Variants in KCNMA1 observed in about 807,000 individuals in gnomAD.
KCNMA1 encodes potassium calcium-activated channel subfamily M alpha 1, also known as Calcium-activated potassium channel subunit alpha-1.
A neutral mutation model predicts 140.0 loss-of-function variants in KCNMA1; 29 were observed. That is an observed-to-expected ratio of 0.21 (90% CI 0.15 to 0.28). KCNMA1 has a LOEUF of 0.28. KCNMA1 is among the 10% of genes least tolerant of loss of function. The pLI is 1.00. For synonymous variants in KCNMA1, 612 were observed against 611.9 expected (o/e 1.00, Z 0.00); for missense variants, 880 against 1,602.2 (o/e 0.55, Z 7.70).
chr10:77,491,378 A>G (rs944919023), intron 1 of KCNMA1, among the ~76,000 whole-genome samples: 2 of 152,078 alleles, frequency 1.3e-5, no homozygotes, highest in African/African-American at 4.8e-5. Context: ...GGGCTGCCAC[A>G]TTGTTCCATG....
intron 6 of KCNMA1, among the ~76,000 whole-genome samples, chr10:77,116,704 C>G (rs1455874560): frequency 6.6e-6 from 1 of 152,058 alleles, no homozygotes; most frequent in African/African-American, 2.4e-5. Flanking sequence ...TAGATCCCTT[C>G]TTCTTTCTCT....
intron 3 of KCNMA1, among the ~76,000 whole-genome samples, chr10:77,235,946 G>C (rs1369297755): frequency 2.0e-5 from 3 of 152,140 alleles, no homozygotes; most frequent in Non-Finnish European, 2.9e-5. Flanking sequence ...CAGGGGTCTT[G>C]GGCTGGCCAG....
At chr10:76,920,034 AT>A (rs2054941690) in intron 23 of KCNMA1, among the ~76,000 whole-genome samples, 1 of 110,598 alleles carries the variant, frequency 9.0e-6, no homozygotes, top group African/African-American at 4.1e-5. Flanking sequence ...ATATATATAT[AT>A]ATATATATAT....
chr10:77,348,981 G>A (rs1440552827), intron 2 of KCNMA1, among the ~76,000 whole-genome samples: 3 of 152,176 alleles, frequency 2.0e-5, no homozygotes, highest in Non-Finnish European at 2.9e-5. Context: ...AACCAGGAAA[G>A]CTTTTTGTAA....
At chr10:76,900,961 T>C (rs1245934517) in intron 25 of KCNMA1, among the ~76,000 whole-genome samples, 1 of 151,448 alleles carries the variant, frequency 6.6e-6, no homozygotes. Context: ...CAAAGATTTA[T>C]GTACAATAAT....
At chr10:77,128,387 T>C (rs962265446) in intron 5 of KCNMA1, among the ~76,000 whole-genome samples, 3 of 113,374 alleles carry the variant, frequency 2.6e-5, no homozygotes, top group East Asian at 2.5e-4. Context: ...CCCCATCATA[T>C]AGATAATTTT....
intron 15 of KCNMA1, among the ~76,000 whole-genome samples, chr10:77,029,447 AG>A (rs1184849140): frequency 6.6e-6 from 1 of 152,194 alleles, no homozygotes; most frequent in African/African-American, 2.4e-5. Context: ...GATGAAACCA[AG>A]GATCAGAAAG....
chr10:77,084,031 T>G (rs765376463), intron 12 of KCNMA1, among the ~76,000 whole-genome samples: 44 of 152,300 alleles, frequency 2.9e-4, no homozygotes, highest in Non-Finnish European at 4.9e-4. Context: ...TAAATTCCCC[T>G]TTGGGGTGAT....
At chr10:77,091,636 G>A (rs552537605) in intron 9 of KCNMA1, 1 of 152,372 alleles carries the variant, frequency 6.6e-6, no homozygotes, top group African/African-American at 2.4e-5. Context: ...TGAGTCTCTA[G>A]CTGCGCTCTG....
intron 17 of KCNMA1, among the ~76,000 whole-genome samples, chr10:77,017,091 C>T (rs2092191614): frequency 6.6e-6 from 1 of 152,054 alleles, no homozygotes; most frequent in African/African-American, 2.4e-5. Flanking sequence ...TTTGTGAATA[C>T]CATAAAGCAC....
chr10:77,488,630 CT>C (rs2098491080), intron 1 of KCNMA1, among the ~76,000 whole-genome samples: 1 of 152,132 alleles, frequency 6.6e-6, no homozygotes, highest in Admixed American at 6.5e-5. Context: ...TCATTTCCCC[CT>C]GTATTAGGAA....
intron 1 of KCNMA1, among the ~76,000 whole-genome samples, chr10:77,533,959 T>C (rs992353785): frequency 3.9e-5 from 6 of 152,140 alleles, no homozygotes; most frequent in Non-Finnish European, 7.4e-5. Flanking sequence ...TTCCCTCTCT[T>C]GCTCCATCTA....
chr10:77,192,487 T>C (rs1268744348), intron 3 of KCNMA1, among the ~76,000 whole-genome samples: 1 of 152,142 alleles, frequency 6.6e-6, no homozygotes, highest in Non-Finnish European at 1.5e-5. Flanking sequence ...AGTTTTAGAA[T>C]TCAATGGAAG....
At chr10:76,924,838 G>T (rs1054426309) in intron 23 of KCNMA1, among the ~76,000 whole-genome samples, 1 of 152,148 alleles carries the variant, frequency 6.6e-6, no homozygotes, top group Non-Finnish European at 1.5e-5. Flanking sequence ...GCACACATGG[G>T]CAGTGAAGAG....
chr10:77,033,516 A>G (rs528634446), intron 15 of KCNMA1, among the ~76,000 whole-genome samples: 2 of 152,240 alleles, frequency 1.3e-5, no homozygotes, highest in East Asian at 3.9e-4. Context: ...TAGAATTTAT[A>G]AATACATTAC....
chr10:77,394,581 G>A (rs962766539), intron 2 of KCNMA1, among the ~76,000 whole-genome samples: 3 of 152,212 alleles, frequency 2.0e-5, no homozygotes, highest in Non-Finnish European at 4.4e-5. Context: ...CTGACCTTGC[G>A]AAGTGGAAAT....
At chr10:77,288,974 G>A (rs145433727) in intron 2 of KCNMA1, among the ~76,000 whole-genome samples, 7 of 152,292 alleles carry the variant, frequency 4.6e-5, no homozygotes, top group African/African-American at 1.7e-4. Flanking sequence ...ACTTAGCCAT[G>A]GAGTCTATGA....
chr10:77,404,750 C>G (rs527409210), intron 1 of KCNMA1, among the ~76,000 whole-genome samples: 1 of 152,236 alleles, frequency 6.6e-6, no homozygotes, highest in South Asian at 2.1e-4. Context: ...CTATGTAGTT[C>G]AAAGGGGACA....
chr10:77,633,188 G>A (rs945469828), intron 1 of KCNMA1, among the ~76,000 whole-genome samples: 26 of 152,144 alleles, frequency 1.7e-4, no homozygotes, highest in African/African-American at 3.4e-4. Context: ...GGCAGCGTGC[G>A]CCTGTAGTCC....
Sources: gnomAD v4.1 joint callset for allele counts (sites outside exome capture counted in the v4.1 genomes callset) on GRCh38, gnomAD v4.1.1 for gene constraint, MANE v1.5 for transcripts, NCBI Gene and HGNC (gene_info 2026-07-23, HGNC 2026-07-21) for gene names.